SDK1: variants seen among roughly 807,000 people sequenced by gnomAD.
SDK1 encodes sidekick cell adhesion molecule 1, also known as protein sidekick-1.
Under a neutral mutation model 245.5 loss-of-function variants are expected in SDK1, and 157 were observed. That is an observed-to-expected ratio of 0.64 (90% confidence interval 0.56 to 0.73). The LOEUF (loss-of-function observed/expected upper bound fraction) is 0.73. Ranked by LOEUF, SDK1 falls within the 30% of genes least tolerant of loss-of-function variation. The probability of loss-of-function intolerance (pLI) is 0.00; values close to 1 mark genes in which losing one functional copy is unlikely to be tolerated. For synonymous variants in SDK1, 1,647 were observed against 1,278.5 expected, an observed-to-expected ratio of 1.29 and a Z score of -6.15; for missense variants, 3,583 against 3,002.3, an observed-to-expected ratio of 1.19 and a Z score of -4.52.
At chr7:4,164,351 C>T (rs1781358232) in intron 32 of SDK1, among the ~76,000 whole-genome samples, 1 of 152,132 alleles carries the variant, frequency 6.6e-6, no homozygotes. Context: ...CAGAAGGTCA[C>T]AAAGGTGAGC....
intron 1 of SDK1, among the ~76,000 whole-genome samples, chr7:3,371,576 A>T (rs914769107): frequency 1.3e-5 from 2 of 152,218 alleles, no homozygotes; most frequent in East Asian, 3.8e-4. Flanking sequence ...ATGCGAGGAA[A>T]CCAAAACTGC....
At chr7:3,902,646 A>C (rs1262611742) in intron 5 of SDK1, among the ~76,000 whole-genome samples, 1 of 152,252 alleles carries the variant, frequency 6.6e-6, no homozygotes, top group South Asian at 2.1e-4. Flanking sequence ...ATTTGTGGAT[A>C]TATAAACTGT....
At chr7:3,381,622 T>C (rs1485766212) in intron 1 of SDK1, among the ~76,000 whole-genome samples, 2 of 152,092 alleles carry the variant, frequency 1.3e-5, no homozygotes, top group Non-Finnish European at 2.9e-5. Context: ...TAAAGACGTT[T>C]GAGAAGGATC....
At chr7:3,446,982 C>G (rs185261751) in intron 1 of SDK1, among the ~76,000 whole-genome samples, 5 of 152,036 alleles carry the variant, frequency 3.3e-5, no homozygotes, top group Non-Finnish European at 7.4e-5. Flanking sequence ...TCTGGAGATA[C>G]GATGAAGCAA....
At chr7:3,980,275 C>G (rs1770925173) in intron 13 of SDK1, among the ~76,000 whole-genome samples, 1 of 152,222 alleles carries the variant, frequency 6.6e-6, no homozygotes, top group Non-Finnish European at 1.5e-5. Flanking sequence ...TGCTTCATCT[C>G]TCTCCCGTAC....
intron 22 of SDK1, among the ~76,000 whole-genome samples, chr7:4,092,980 C>A (rs538578248): frequency 6.6e-6 from 1 of 152,260 alleles, no homozygotes; most frequent in African/African-American, 2.4e-5. Context: ...TAGATGCTAA[C>A]CATTTTTAAA....
intron 1 of SDK1, among the ~76,000 whole-genome samples, chr7:3,341,544 C>G (rs73048617): frequency 6.6e-6 from 1 of 152,046 alleles, no homozygotes; most frequent in East Asian, 1.9e-4. Flanking sequence ...TTACGGATTA[C>G]ATCATTGTTT....
At chr7:3,554,184 C>T (rs116782157) in intron 1 of SDK1, among the ~76,000 whole-genome samples, 24 of 152,282 alleles carry the variant, frequency 1.6e-4, no homozygotes, top group African/African-American at 5.3e-4. Flanking sequence ...GTGGGACATT[C>T]ACCAAGACGG....
intron 4 of SDK1, among the ~76,000 whole-genome samples, chr7:3,682,099 C>T (rs537649584): frequency 7.9e-5 from 12 of 152,270 alleles, no homozygotes; most frequent in South Asian, 2.1e-4. Context: ...GCCTGTCAGA[C>T]GACCAGTGAA....
chr7:4,144,576 G>A (rs1301067631), intron 28 of SDK1, among the ~76,000 whole-genome samples: 2 of 152,088 alleles, frequency 1.3e-5, no homozygotes, highest in East Asian at 1.9e-4. Context: ...TGTTAAATGC[G>A]TGGATGAGTG....
intron 1 of SDK1, among the ~76,000 whole-genome samples, chr7:3,574,974 A>G (rs569113430): frequency 6.6e-6 from 1 of 151,938 alleles, no homozygotes. Context: ...TCATGTCTGG[A>G]GTTACCCTTT....
At chr7:3,639,259 A>G (rs1320498018) in intron 3 of SDK1, 149 bp downstream of exon 3, 1 of 462,364 alleles carries the variant, frequency 2.2e-6, no homozygotes, top group Non-Finnish European at 3.9e-6. Flanking sequence ...GTGAGAGATA[A>G]GTAAGCAGCC....
chr7:3,307,697 A>T (rs1171238343), intron 1 of SDK1, among the ~76,000 whole-genome samples: 2 of 152,192 alleles, frequency 1.3e-5, no homozygotes, highest in Non-Finnish European at 2.9e-5. Context: ...TTTCCTAGAA[A>T]CATGGATATA....
intron 4 of SDK1, among the ~76,000 whole-genome samples, chr7:3,669,855 G>A (rs1783642424): frequency 6.6e-6 from 1 of 152,278 alleles, no homozygotes; most frequent in South Asian, 2.1e-4. Flanking sequence ...GTTGAAAACA[G>A]AACTCTTTTT....
intron 1 of SDK1, among the ~76,000 whole-genome samples, chr7:3,432,518 T>G (rs1051381535): frequency 6.6e-6 from 1 of 152,200 alleles, no homozygotes; most frequent in African/African-American, 2.4e-5. Flanking sequence ...TAGTAGTTTG[T>G]TATATATTCA....
Position 3,394,307 on chromosome 7 carries a change from A to G in SDK1, c.298+92423A>G, listed in dbSNP as rs141234631. 5.4e-3 allele frequency among the ~76,000 whole-genome samples: 815 copies of G among 152,224 alleles called. 3 individuals carry two copies. Among genetic ancestry groups the G allele is most frequent in the Non-Finnish European group, 9.3e-3 (635 of 67,996 alleles). On this transcript the variant is annotated intron_variant, in intron 1 of 44. Transcript: ENST00000404826. ...TTGGTGAACGTATTATCTATTCCCT[A>G]GTGTATTGCCTTGGCATGTTTGTTA...
At chr7:3,706,075 A>T (rs1784880649) in intron 4 of SDK1, among the ~76,000 whole-genome samples, 1 of 152,080 alleles carries the variant, frequency 6.6e-6, no homozygotes, top group Non-Finnish European at 1.5e-5. Context: ...ACATTTATTG[A>T]TTCATGTATG....
At position 4,158,440 on chromosome 7, in the gene SDK1, C is replaced by A; in HGVS notation, c.4626-8C>A. On this transcript the variant is annotated splice_polypyrimidine_tract_variant and splice_region_variant and intron_variant, in intron 30 of 44. Transcript: ENST00000404826. ...GCCCCGGCAGTCACGGTCTCTTCCA[C>A]ATTGCAGACTGAGGCCCTTCACCTC... 6.2e-7 allele frequency: 1 copy of A among 1,609,636 alleles called. No individual in the cohort carries two copies. The highest frequency in any genetic ancestry group is 8.5e-7 in the Non-Finnish European group (1 of 1,176,754).
At chr7:4,046,850 CT>C (rs1789051032) in intron 17 of SDK1, among the ~76,000 whole-genome samples, 1 of 150,074 alleles carries the variant, frequency 6.7e-6, no homozygotes, top group Admixed American at 6.6e-5. Flanking sequence ...GAGAGCGGGT[CT>C]TGCTCTGTAA....
Sources: allele counts gnomAD v4.1 joint callset (sites outside exome capture counted in the v4.1 genomes callset), GRCh38; gene constraint gnomAD v4.1.1; transcripts MANE v1.5; gene names NCBI Gene and HGNC (gene_info 2026-07-23, HGNC 2026-07-21).